Variants in NME8 observed in about 807,000 individuals in gnomAD.
NME8 encodes protein NME8.
Under a neutral mutation model 82.3 loss-of-function variants are expected in NME8, and 72 were observed. That is an observed-to-expected ratio of 0.87 (90% CI 0.72 to 1.06). The LOEUF is 1.06. Ranked by LOEUF, NME8 falls within the 50% of genes least tolerant of loss-of-function variation. The pLI is 0.00. For missense variants in NME8, 712 were observed against 685.4 expected, an observed-to-expected ratio of 1.04 and a Z score of -0.43; for synonymous variants, 267 against 228.5, an observed-to-expected ratio of 1.17 and a Z score of -1.52.
At chr7:37,872,385 C>A (rs1438468530) in intron 11 of NME8, among the ~76,000 whole-genome samples, 2 of 152,120 alleles carry the variant, frequency 1.3e-5, no homozygotes, top group East Asian at 3.9e-4. Context: ...TGAGTACCTG[C>A]CTAAGGGAGA....
At chr7:37,862,932 C>T (rs1784619278) in intron 7 of NME8, among the ~76,000 whole-genome samples, 1 of 151,912 alleles carries the variant, frequency 6.6e-6, no homozygotes, top group Admixed American at 6.6e-5. Flanking sequence ...CCAGCCTGGC[C>T]AACATGGTGA....
rs2722303 is a variant in NME8, at chr7:37,874,333, G to T, written c.819-2499G>T. 4.0e-5 allele frequency among the ~76,000 whole-genome samples: 6 copies of T among 151,536 alleles called. No homozygotes were observed. In the East Asian group the frequency reaches 1.2e-3, roughly 30 times the overall value. On this transcript the variant is annotated intron_variant, in intron 11 of 17. Coordinates refer to ENST00000199447, the MANE Select transcript of NME8 (RefSeq NM_016616.5). ...TTATCTCAACAAAACCTAGAGGTTT[G>T]TGGGTGTATGTGGCAAAATGGTTCA...
chr7:37,860,601 A>T (rs1360787210), intron 6 of NME8, among the ~76,000 whole-genome samples: 1 of 152,170 alleles, frequency 6.6e-6, no homozygotes, highest in Non-Finnish European at 1.5e-5. Context: ...TATTGACTTT[A>T]TCAGGCTGTA....
In NME8 at chr7:37,864,336, A is replaced by T; in HGVS notation, c.455-12A>T. ...AAAATGAAATTCTGTCTTTTTCTAA[A>T]TTTTTTTCCAGAGGAATTATACAGT... On this transcript the variant is annotated splice_polypyrimidine_tract_variant and intron_variant, in intron 8 of 17. Coordinates refer to ENST00000199447, the MANE Select transcript of NME8 (RefSeq NM_016616.5). The T allele has an allele frequency of 1.3e-6, 2 of 1,592,228 alleles. No homozygotes were observed. Among genetic ancestry groups the T allele is most frequent in the Non-Finnish European group, 1.7e-6 (2 of 1,164,384 alleles).
chr7:37,888,396 T>C lies in NME8; in HGVS notation c.1367T>C (p.Leu456Ser). The C allele has an allele frequency of 3.1e-6, 5 of 1,613,324 alleles. No homozygotes were observed. Among genetic ancestry groups the C allele is most frequent in the South Asian group, 1.1e-5 (1 of 91,068 alleles). ...TTTCCTCTTCAAAGCACTTTAGGCT[T>C]GATTAAACCTCATGCAACAAGTGAA... ...HFFPLQSTLG[L>S]IKPHATSEQR... The change falls in exon 15 of 18, where the codon TTG becomes TCG. Residue 456 changes from leucine to serine, a missense_variant. By Grantham distance (145) the Leu-to-Ser change is moderately radical. Transcript: ENST00000199447.
At chr7:37,894,693 T>A in intron 16 of NME8, 83 bp downstream of exon 16, 1 of 1,271,268 alleles carries the variant, frequency 7.9e-7, no homozygotes, top group Non-Finnish European at 1.1e-6. Context: ...AAAAATTAAT[T>A]AAAACATTTC....
intron 5 of NME8, 119 bp downstream of exon 5, chr7:37,850,854 GT>G (rs1227940602): frequency 2.0e-5 from 14 of 706,720 alleles, no homozygotes; most frequent in Non-Finnish European, 5.1e-6. Context: ...AAAATAGATA[GT>G]CTTTACTTGG....
chr7:37,885,583 A>G (rs1447765664), intron 14 of NME8, among the ~76,000 whole-genome samples: 2 of 152,226 alleles, frequency 1.3e-5, no homozygotes, highest in East Asian at 3.8e-4. Context: ...TTATGGTGGC[A>G]GCTGTAGCTT....
intron 5 of NME8, among the ~76,000 whole-genome samples, chr7:37,855,240 C>G (rs1015049461): frequency 6.6e-6 from 1 of 152,152 alleles, no homozygotes; most frequent in East Asian, 1.9e-4. Context: ...TGGCAAGGTA[C>G]TTCCTGACAC....
intron 12 of NME8, among the ~76,000 whole-genome samples, chr7:37,877,449 C>T (rs1276237201): frequency 6.6e-6 from 1 of 152,110 alleles, no homozygotes; most frequent in Non-Finnish European, 1.5e-5. Context: ...AATCTCATCC[C>T]ATATTCTTAT....
At chr7:37,857,119 A>G (rs1784523018) in intron 5 of NME8, among the ~76,000 whole-genome samples, 155 bp from the exon 6 acceptor site, 1 of 152,190 alleles carries the variant, frequency 6.6e-6, no homozygotes, top group Admixed American at 6.6e-5. Context: ...TTGAATCGCC[A>G]GTATGTGCAG....
Position 37,850,626 on chromosome 7 carries a change from T to C in NME8, c.92-3T>C. On this transcript the variant is annotated splice_polypyrimidine_tract_variant and splice_region_variant and intron_variant, in intron 4 of 17. Transcript: ENST00000199447. ...TTATTTCATAAATATCATCATCTTC[T>C]AGTGATTGATGTTTACCAAGCCTGG... The C allele has an allele frequency of 6.3e-7, 1 of 1,591,402 alleles. No homozygotes were observed. The highest frequency in any genetic ancestry group is 8.6e-7 in the Non-Finnish European group (1 of 1,159,272).
At chr7:37,862,293 T>A (rs1369232085) in intron 7 of NME8, 149 bp downstream of exon 7, 1 of 687,480 alleles carries the variant, frequency 1.5e-6, no homozygotes, top group Non-Finnish European at 2.6e-6. Context: ...TTTTATTTGA[T>A]GTTATCCTAA....
chr7:37,861,275 C>T (rs1488155354), intron 6 of NME8, among the ~76,000 whole-genome samples: 1 of 152,206 alleles, frequency 6.6e-6, no homozygotes, highest in Non-Finnish European at 1.5e-5. Context: ...CTCACTTTGT[C>T]ACCTGGCCTT....
chr7:37,865,700 C>G, intron 10 of NME8, 83 bp downstream of exon 10: 2 of 909,296 alleles, frequency 2.2e-6, no homozygotes, highest in South Asian at 1.4e-5. Flanking sequence ...TACAGAAAAG[C>G]AAATTAGTAA....
intron 15 of NME8, among the ~76,000 whole-genome samples, chr7:37,890,408 A>G (rs569950414): frequency 6.6e-6 from 1 of 152,108 alleles, no homozygotes; most frequent in South Asian, 2.1e-4. Context: ...TATATAGCAT[A>G]CCCATTACTT....
chr7:37,858,387 A>G (rs1368551318), intron 6 of NME8, among the ~76,000 whole-genome samples: 1 of 152,222 alleles, frequency 6.6e-6, no homozygotes, highest in Non-Finnish European at 1.5e-5. Flanking sequence ...AATGGTAAAA[A>G]ATGCATTGTA....
chr7:37,873,129 G>A lies in NME8; in HGVS notation c.819-3703G>A, dbSNP rs74301914. 6.1e-3 allele frequency among the ~76,000 whole-genome samples: 923 copies of A among 152,272 alleles called. 35 individuals are homozygous for A. In the East Asian group the frequency reaches 0.12, roughly 20 times the overall value. ...GGGCCAGATGCCGTGGCTTGTGCCT[G>A]TAATCCCAGCATTTGAAGTCAGGAG... On this transcript the variant is annotated intron_variant, in intron 11 of 17. Coordinates refer to ENST00000199447, the MANE Select transcript of NME8 (RefSeq NM_016616.5).
intron 11 of NME8, among the ~76,000 whole-genome samples, chr7:37,871,602 C>T (rs1235244084): frequency 1.3e-5 from 2 of 151,996 alleles, no homozygotes; most frequent in Non-Finnish European, 2.9e-5. Context: ...CTACTATATG[C>T]CAAATCCTAG....
Sources: allele counts gnomAD v4.1 joint callset (sites outside exome capture counted in the v4.1 genomes callset), GRCh38; gene constraint gnomAD v4.1.1; transcripts MANE v1.5; gene names NCBI Gene and HGNC (gene_info 2026-07-23, HGNC 2026-07-21).